PRELID2: variants seen among roughly 807,000 people sequenced by gnomAD.
PRELID2 encodes PRELI domain containing 2.
In PRELID2, 25 loss-of-function variants were observed where a neutral mutation model predicts 28.4. The ratio of observed to expected loss-of-function variants is 0.88; its 90% CI spans 0.64 to 1.23. The LOEUF (loss-of-function observed/expected upper bound fraction) is 1.23, where lower values mean the gene tolerates loss of function less well. PRELID2 is among the 50% of genes most tolerant of loss of function. The probability of loss-of-function intolerance (pLI) is 0.00; values close to 1 mark genes in which losing one functional copy is unlikely to be tolerated. For missense variants in PRELID2, 201 were observed against 214.4 expected (o/e 0.94, Z 0.39); for synonymous variants, 76 against 71.6 (o/e 1.06, Z -0.31).
chr5:145,296,166 T>G, the PRELID2 span, among the ~76,000 whole-genome samples: 9 of 151,758 alleles, frequency 5.9e-5, no homozygotes, highest in African/African-American at 2.2e-4. Context: ...GTAGCAGGTT[T>G]TTTTTGGTTT....
chr5:145,342,424 CAAAG>C, the PRELID2 span, among the ~76,000 whole-genome samples: 1 of 152,008 alleles, frequency 6.6e-6, no homozygotes, highest in South Asian at 2.1e-4. Flanking sequence ...AAGAGAGAAA[CAAAG>C]AATATGTGAA....
rs113838501 is a variant in PRELID2 at position 145,534,501 on chromosome 5, T to G, written n.71-61186A>C. Among the ~76,000 whole-genome samples the G allele has an allele frequency of 7.0e-3, 1,067 of 152,068 alleles. 16 individuals carry two copies. Among genetic ancestry groups the G allele is most frequent in the African/African-American group, 0.024 (1,014 of 41,532 alleles). ...ACAGAACTTTCCAACAGAGCATACTTTGAGAAAAAACTGGTGCAACTAAAA... is the reference window on the plus strand; with the variant it reads ...ACAGAACTTTCCAACAGAGCATACTGTGAGAAAAAACTGGTGCAACTAAAA... On this transcript the variant is annotated intron_variant and non_coding_transcript_variant, in intron 1 of 2. Coordinates refer to the PRELID2 transcript ENST00000510259.
At chr5:145,518,484 C>A (rs1752538345) in intron 1 of PRELID2, among the ~76,000 whole-genome samples, 1 of 152,156 alleles carries the variant, frequency 6.6e-6, no homozygotes, top group Non-Finnish European at 1.5e-5. Context: ...AGGCGTGAAC[C>A]ACCACGCCCG....
intron 4 of PRELID2, among the ~76,000 whole-genome samples, chr5:145,816,076 CTTTT>C (rs1191298938): frequency 1.0e-4 from 9 of 89,042 alleles, no homozygotes; most frequent in Admixed American, 2.3e-4. Flanking sequence ...TATTGTGTGT[CTTTT>C]TTTTTTTTTT....
intron 1 of PRELID2, among the ~76,000 whole-genome samples, chr5:145,750,168 G>A (rs1008174078): frequency 1.3e-5 from 2 of 151,852 alleles, no homozygotes; most frequent in Admixed American, 1.3e-4. Context: ...CCGAGAAGTT[G>A]TCACTGGAGA....
At chr5:145,509,291 CAGATTA>C (rs1444911697) in intron 1 of PRELID2, among the ~76,000 whole-genome samples, 1 of 152,170 alleles carries the variant, frequency 6.6e-6, no homozygotes, top group Non-Finnish European at 1.5e-5. Context: ...GTTTATTTTA[CAGATTA>C]AATACTTAGT....
chr5:145,729,875 G>C (rs1313528156), intron 1 of PRELID2, among the ~76,000 whole-genome samples: 1 of 152,180 alleles, frequency 6.6e-6, no homozygotes, highest in Non-Finnish European at 1.5e-5. Context: ...AGGCTGTGAA[G>C]GCCCTGAGCT....
chr5:145,830,027 A>G (rs1755477865), intron 1 of PRELID2, among the ~76,000 whole-genome samples: 1 of 152,218 alleles, frequency 6.6e-6, no homozygotes, highest in South Asian at 2.1e-4. Context: ...TAATCTGTCC[A>G]TTTTATTACA....
chr5:145,742,099 T>C (rs1429519186), intron 1 of PRELID2, among the ~76,000 whole-genome samples: 1 of 128,246 alleles, frequency 7.8e-6, no homozygotes, highest in East Asian at 2.2e-4. Context: ...TATAATTACA[T>C]ATAATTATAT....
chr5:145,482,113 CTTCTAAGG>C (rs1276790739), intron 1 of PRELID2, among the ~76,000 whole-genome samples: 1 of 152,088 alleles, frequency 6.6e-6, no homozygotes, highest in African/African-American at 2.4e-5. Context: ...TATCACATAA[CTTCTAAGG>C]TTCATGTAGC....
chr5:145,481,623 CAAAAAAAAAAAAA>C (rs70998021), intron 1 of PRELID2, among the ~76,000 whole-genome samples: 6 of 41,858 alleles, frequency 1.4e-4, no homozygotes, highest in East Asian at 1.7e-3. Flanking sequence ...GCAAGGAAAT[CAAAAAAAAAAAAA>C]AAAAAAAAAA....
chr5:145,423,858 T>C, the PRELID2 span, among the ~76,000 whole-genome samples: 7,319 of 142,322 alleles, frequency 0.051, 309 homozygotes, highest in East Asian at 0.14. Context: ...TTTCCCCATC[T>C]TTGTGGTTTT....
the PRELID2 span, among the ~76,000 whole-genome samples, chr5:145,347,614 G>T: frequency 6.6e-6 from 1 of 152,038 alleles, no homozygotes; most frequent in South Asian, 2.1e-4. Context: ...ATTTGTGCTA[G>T]TTTTTGAGTT....
At chr5:145,380,103 C>A in the PRELID2 span, among the ~76,000 whole-genome samples, 1 of 152,184 alleles carries the variant, frequency 6.6e-6, no homozygotes. Flanking sequence ...TGCCTTGCTG[C>A]CCCTACCACT....
At chr5:145,518,901 T>C (rs1752541407) in intron 1 of PRELID2, among the ~76,000 whole-genome samples, 1 of 152,190 alleles carries the variant, frequency 6.6e-6, no homozygotes, top group Admixed American at 6.5e-5. Flanking sequence ...GTTCTGAGGT[T>C]GAGAAACTTG....
intron 1 of PRELID2, among the ~76,000 whole-genome samples, chr5:145,604,131 G>T (rs1000731172): frequency 2.8e-4 from 42 of 151,938 alleles, no homozygotes; most frequent in African/African-American, 9.7e-4. Flanking sequence ...GGGTACATAT[G>T]CAGGTTTGTA....
chr5:145,548,806 T>C (rs894165267), intron 1 of PRELID2, among the ~76,000 whole-genome samples: 1 of 152,206 alleles, frequency 6.6e-6, no homozygotes, highest in Non-Finnish European at 1.5e-5. Context: ...AAGAGCTAAC[T>C]GCATCTCTTC....
chr5:145,632,146 G>T (rs1353057788), intron 1 of PRELID2, among the ~76,000 whole-genome samples: 1 of 152,110 alleles, frequency 6.6e-6, no homozygotes, highest in African/African-American at 2.4e-5. Flanking sequence ...CCATTGTTCT[G>T]CCTCAAACCA....
chr5:145,628,212 TCCTCA>T (rs1242799574), intron 1 of PRELID2, among the ~76,000 whole-genome samples: 2 of 152,118 alleles, frequency 1.3e-5, no homozygotes. Flanking sequence ...ATTTCCTCTC[TCCTCA>T]CCTCCCCAAC....
Sources: gnomAD v4.1 joint callset for allele counts (sites outside exome capture counted in the v4.1 genomes callset) on GRCh38, gnomAD v4.1.1 for gene constraint, MANE v1.5 for transcripts, NCBI Gene and HGNC (gene_info 2026-07-23, HGNC 2026-07-21) for gene names.